ACYP2: variants seen among roughly 807,000 people sequenced by gnomAD.
ACYP2 encodes the protein acylphosphatase 2.
ACYP2 carries 12 observed loss-of-function variants against 11.2 expected under a neutral mutation model. That is an observed-to-expected ratio of 1.08 (90% CI 0.69 to 1.74). The LOEUF (loss-of-function observed/expected upper bound fraction) is 1.74, where lower values mean the gene tolerates loss of function less well. Among genes scored for constraint, ACYP2 ranks in the 40% most tolerant of loss-of-function variants. The pLI is 0.00. For synonymous variants in ACYP2, 43 were observed against 32.2 expected, an observed-to-expected ratio of 1.33 and a Z score of -1.13; for missense variants, 134 against 101.9, an observed-to-expected ratio of 1.31 and a Z score of -1.35.
At chr2:54,251,622 C>T (rs1326493095) in intron 6 of ACYP2, among the ~76,000 whole-genome samples, 2 of 152,124 alleles carry the variant, frequency 1.3e-5, no homozygotes, top group African/African-American at 2.4e-5. Flanking sequence ...TCCCATGTGT[C>T]TCATGTTTCT....
intron 4 of ACYP2, among the ~76,000 whole-genome samples, chr2:54,129,797 T>G (rs1056594231): frequency 1.3e-5 from 2 of 148,904 alleles, no homozygotes; most frequent in African/African-American, 2.4e-5. Flanking sequence ...GAAAGTAAAC[T>G]TAAAGTCTAA....
intron 4 of ACYP2, chr2:54,115,727 T>G (rs1679722359): frequency 6.2e-7 from 1 of 1,612,932 alleles, no homozygotes; most frequent in Non-Finnish European, 8.5e-7. Flanking sequence ...CTCAAATCCG[T>G]GGACTACGAG....
Position 54,201,636 on chromosome 2 carries a change from C to CTTTCTCTTTCTTTCTTTCTTTCTT in ACYP2, c.404+62889_404+62890insTTCTCTTTCTTTCTTTCTTTCTTT, listed in dbSNP as rs59874821. Among the ~76,000 whole-genome samples, 108 of 93,680 alleles carry CTTTCTCTTTCTTTCTTTCTTTCTT rather than the reference C, an allele frequency of 1.2e-3. 3 individuals are homozygous for CTTTCTCTTTCTTTCTTTCTTTCTT. Among genetic ancestry groups the CTTTCTCTTTCTTTCTTTCTTTCTT allele is most frequent in the African/African-American group, 2.5e-3 (60 of 23,530 alleles). 61.5% of individuals were successfully genotyped at this position (93,680 alleles called of 152,430 possible). ...TCTTTCTTTCTTTGTTTCTTTCTTT[C>CTTTCTCTTTCTTTCTTTCTTTCTT]TCTTTCTTTCTTTCTTTCTTTCTTT... On this transcript the variant is annotated intron_variant, in intron 6 of 6. Transcript: ENST00000607452.
At chr2:53,995,563 G>T (rs1198234825) in intron 2 of ACYP2, among the ~76,000 whole-genome samples, 1 of 150,152 alleles carries the variant, frequency 6.7e-6, no homozygotes, top group Admixed American at 6.6e-5. Context: ...GAATGTAGTG[G>T]CATGATCTCA....
At chr2:54,093,331 A>G (rs1283091215) in intron 4 of ACYP2, among the ~76,000 whole-genome samples, 3 of 152,254 alleles carry the variant, frequency 2.0e-5, no homozygotes, top group African/African-American at 7.2e-5. Context: ...TGAAAAGAAT[A>G]TTGTCTCTGC....
At chr2:54,044,325 T>C (rs1675400639) in intron 2 of ACYP2, among the ~76,000 whole-genome samples, 1 of 152,096 alleles carries the variant, frequency 6.6e-6, no homozygotes, top group Admixed American at 6.6e-5. Context: ...CTGAGTGCGG[T>C]GGCTCATGCC....
intron 4 of ACYP2, among the ~76,000 whole-genome samples, chr2:54,058,042 A>G (rs976564595): frequency 3.3e-5 from 5 of 152,234 alleles, no homozygotes; most frequent in Non-Finnish European, 7.3e-5. Flanking sequence ...TTTGTGAATA[A>G]TGCTTTGAAA....
At chr2:54,027,837 C>CTTTCTTTTTTT (rs772573473) in intron 2 of ACYP2, among the ~76,000 whole-genome samples, 1 of 97,892 alleles carries the variant, frequency 1.0e-5, no homozygotes, top group African/African-American at 4.2e-5. Flanking sequence ...TTCTTTCTTT[C>CTTTCTTTTTTT]TTTTTTTTTT....
intron 6 of ACYP2, among the ~76,000 whole-genome samples, chr2:54,139,632 G>T (rs1681486960): frequency 6.6e-6 from 1 of 152,114 alleles, no homozygotes; most frequent in Non-Finnish European, 1.5e-5. Context: ...GATCTTATGA[G>T]GTAGGTACTA....
intron 6 of ACYP2, among the ~76,000 whole-genome samples, chr2:54,182,784 GT>G (rs538043811): frequency 6.6e-6 from 1 of 151,244 alleles, no homozygotes; most frequent in African/African-American, 2.4e-5. Context: ...AGTGGAAGTT[GT>G]TTTTTTTTCT....
intron 2 of ACYP2, among the ~76,000 whole-genome samples, chr2:54,002,579 A>AGCCTGGGGG (rs1672853671): frequency 1.3e-5 from 2 of 149,906 alleles, no homozygotes; most frequent in African/African-American, 5.1e-5. Flanking sequence ...TCTTGCACTC[A>AGCCTGGGGG]ACTGATTCAC....
rs769334448 is a variant in ACYP2 at position 54,255,641 on chromosome 2, T to G, written c.405-49047T>G. The G allele has an allele frequency of 4.6e-5, 74 of 1,613,418 alleles. No individual in the cohort carries two copies. The highest frequency in any genetic ancestry group is 6.0e-5 in the Non-Finnish European group (71 of 1,179,966). ...GCTCTGTTTTCTTCCGCCACGTCCA[T>G]TTCTTCGCCTCCTGGCTTCTCATCC... On this transcript the variant is annotated intron_variant, in intron 6 of 6. Transcript: ENST00000607452.
intron 6 of ACYP2, among the ~76,000 whole-genome samples, chr2:54,215,035 G>T (rs1156510688): frequency 6.6e-6 from 1 of 152,046 alleles, no homozygotes; most frequent in African/African-American, 2.4e-5. Flanking sequence ...CTGCAATTTT[G>T]GTTTGGCTCT....
intron 6 of ACYP2, among the ~76,000 whole-genome samples, chr2:54,256,518 A>C (rs863622): frequency 0.59 from 89,488 of 151,978 alleles, 26,836 homozygotes; most frequent in African/African-American, 0.7. Flanking sequence ...GGCTGACGTT[A>C]TTTTTCATAT....
chr2:54,114,432 C>T (rs1452841858), intron 4 of ACYP2, among the ~76,000 whole-genome samples: 1 of 150,444 alleles, frequency 6.6e-6, no homozygotes, highest in East Asian at 1.9e-4. Flanking sequence ...ACCTGTAATC[C>T]CAGCACTTTG....
intron 6 of ACYP2, chr2:54,142,762 T>A (rs977968705): frequency 2.0e-5 from 3 of 152,128 alleles, no homozygotes; most frequent in Non-Finnish European, 2.9e-5. Flanking sequence ...AGAAGTGACA[T>A]TTTTATGATA....
intron 4 of ACYP2, chr2:54,082,670 T>C (rs533632597): frequency 6.6e-6 from 1 of 152,370 alleles, no homozygotes; most frequent in South Asian, 2.1e-4. Context: ...TTTGTATAGT[T>C]TGCAACCTAA....
chr2:54,170,459 T>C (rs1223910548), intron 6 of ACYP2, among the ~76,000 whole-genome samples: 1 of 152,124 alleles, frequency 6.6e-6, no homozygotes, highest in African/African-American at 2.4e-5. Flanking sequence ...GGCCAGTTCA[T>C]TTCTTCTTTT....
chr2:54,276,273 G>T (rs537739269), intron 6 of ACYP2, among the ~76,000 whole-genome samples: 177 of 152,216 alleles, frequency 1.2e-3, no homozygotes, highest in Non-Finnish European at 2.0e-3. Context: ...GTTAATAAAA[G>T]TCTCTCACTC....
Sources: gnomAD v4.1 joint callset for allele counts (sites outside exome capture counted in the v4.1 genomes callset) on GRCh38, gnomAD v4.1.1 for gene constraint, MANE v1.5 for transcripts, NCBI Gene and HGNC (gene_info 2026-07-23, HGNC 2026-07-21) for gene names.